The following PAPPA variants were observed in gnomAD, a reference collection of about 807,000 sequenced individuals.
PAPPA encodes pappalysin-1.
PAPPA carries 60 observed loss-of-function variants against 164.0 expected under a neutral mutation model. The observed-to-expected ratio is 0.37, with a 90% CI of 0.30 to 0.45. PAPPA has a LOEUF of 0.45. Among genes scored for constraint, PAPPA ranks in the 20% least tolerant of loss-of-function variants. The pLI, the probability that PAPPA is intolerant of heterozygous loss-of-function variation, is 1.00. For synonymous variants in PAPPA, 875 were observed against 814.1 expected, an observed-to-expected ratio of 1.07 and a Z score of -1.27; for missense variants, 1,782 against 2,087.3, an observed-to-expected ratio of 0.85 and a Z score of 2.85.
chr9:116,281,624 C>G (rs1845268372), intron 9 of PAPPA, among the ~76,000 whole-genome samples: 1 of 152,166 alleles, frequency 6.6e-6, no homozygotes, highest in Non-Finnish European at 1.5e-5. Context: ...TTATGGAGAA[C>G]CTGCTGCAGT....
chr9:116,250,713 G>A (rs1026774316), intron 7 of PAPPA, among the ~76,000 whole-genome samples: 6 of 152,328 alleles, frequency 3.9e-5, no homozygotes, highest in South Asian at 2.1e-4. Context: ...ATCTATGCCA[G>A]GACTGACACT....
intron 17 of PAPPA, 38 bp downstream of exon 17, chr9:116,353,831 C>T: frequency 6.5e-7 from 1 of 1,529,432 alleles, no homozygotes; most frequent in South Asian, 1.2e-5. Context: ...ACCATGGTCC[C>T]TTTCCTTTCT....
At chr9:116,295,535 C>T (rs1587991804) in intron 9 of PAPPA, among the ~76,000 whole-genome samples, 2 of 118,342 alleles carry the variant, frequency 1.7e-5, no homozygotes, top group Admixed American at 2.3e-4. Context: ...GCCTGGGCAA[C>T]AGAGCGAGAC....
At chr9:116,230,584 G>A (rs1177820740) in intron 6 of PAPPA, among the ~76,000 whole-genome samples, 1 of 152,136 alleles carries the variant, frequency 6.6e-6, no homozygotes, top group East Asian at 1.9e-4. Flanking sequence ...GCATGGAGCT[G>A]TAACTTCTTT....
At chr9:116,354,380 G>T (rs1006478146) in intron 17 of PAPPA, among the ~76,000 whole-genome samples, 13 of 152,102 alleles carry the variant, frequency 8.5e-5, no homozygotes, top group African/African-American at 3.1e-4. Flanking sequence ...TAGGAAAAAG[G>T]AACAAAAGGC....
chr9:116,322,523 G>T (rs1845871191), intron 10 of PAPPA, among the ~76,000 whole-genome samples: 1 of 152,084 alleles, frequency 6.6e-6, no homozygotes, highest in African/African-American at 2.4e-5. Context: ...TTATGGAGGA[G>T]GTTTTATTTC....
chr9:116,309,145 G>A (rs986013355), intron 10 of PAPPA, among the ~76,000 whole-genome samples: 1 of 151,188 alleles, frequency 6.6e-6, no homozygotes, highest in Non-Finnish European at 1.5e-5. Flanking sequence ...GCACAATCTC[G>A]GCTCACTGCA....
intron 21 of PAPPA, among the ~76,000 whole-genome samples, chr9:116,391,526 C>G (rs1055170638): frequency 1.3e-5 from 2 of 152,200 alleles, no homozygotes; most frequent in Non-Finnish European, 2.9e-5. Context: ...CTGCATGTCT[C>G]TCAGCTCTGG....
At chr9:116,276,035 A>G (rs1845193456) in intron 9 of PAPPA, among the ~76,000 whole-genome samples, 1 of 152,166 alleles carries the variant, frequency 6.6e-6, no homozygotes, top group South Asian at 2.1e-4. Context: ...TGTGGAAGTT[A>G]TCTTGTCTTT....
chr9:116,182,605 G>A (rs111789228), intron 1 of PAPPA, among the ~76,000 whole-genome samples: 2,317 of 152,282 alleles, frequency 0.015, 60 homozygotes, highest in African/African-American at 0.053. Context: ...ACTCTGTACA[G>A]CCTTAGCCAA....
chr9:116,259,629 A>T (rs1024547902), intron 7 of PAPPA, among the ~76,000 whole-genome samples: 20 of 152,216 alleles, frequency 1.3e-4, no homozygotes, highest in African/African-American at 4.3e-4. Flanking sequence ...GACCAAAAAA[A>T]ATTACATATT....
Position 116,211,817 on chromosome 9 carries a change from T to C in PAPPA, c.1803T>C (p.Asn601=), listed in dbSNP as rs1311167092. 19 of 1,613,982 alleles carry C rather than the reference T, an allele frequency of 1.2e-5. No homozygotes were observed. The highest frequency in any genetic ancestry group is 1.5e-5 in the Non-Finnish European group (18 of 1,179,992). The change falls in exon 4 of 22, where the codon AAT becomes AAC. Residue 601 remains asparagine, a synonymous_variant. Coordinates refer to ENST00000328252, the MANE Select transcript of PAPPA (RefSeq NM_002581.5). Reference sequence around the variant, plus strand: ...CCTTCGAGACTGGAGACCTCTGCAATGATACCAACCCAGCCCCTAAACACA... The same window carrying C: ...CCTTCGAGACTGGAGACCTCTGCAACGATACCAACCCAGCCCCTAAACACA... ...EPSFETGDLC[N]DTNPAPKHKS... is the part of the protein sequence containing the mutation.
At chr9:116,333,618 T>C (rs1433625792) in intron 12 of PAPPA, among the ~76,000 whole-genome samples, 1 of 152,180 alleles carries the variant, frequency 6.6e-6, no homozygotes, top group Non-Finnish European at 1.5e-5. Context: ...TTTATGCTTG[T>C]TTATTTAGTT....
intron 1 of PAPPA, among the ~76,000 whole-genome samples, chr9:116,170,766 C>T (rs976250304): frequency 2.0e-5 from 3 of 151,916 alleles, no homozygotes; most frequent in African/African-American, 7.3e-5. Flanking sequence ...TTCATCTGTC[C>T]ATCCATCCTT....
intron 1 of PAPPA, among the ~76,000 whole-genome samples, chr9:116,184,675 G>T (rs1030278464): frequency 1.4e-4 from 22 of 152,122 alleles, no homozygotes; most frequent in African/African-American, 5.3e-4. Context: ...ACTAGTAACT[G>T]CTGTCATCAA....
At position 116,248,383 on chromosome 9, in the gene PAPPA, G is replaced by A. The variant is rs1278063017; in HGVS notation, c.2732+12746G>A. Among the ~76,000 whole-genome samples, 10 of 152,158 alleles carry A rather than the reference G, an allele frequency of 6.6e-5. 1 individual carries two copies. The highest frequency in any genetic ancestry group is 1.2e-4 in the Non-Finnish European group (8 of 68,028). On this transcript the variant is annotated intron_variant, in intron 7 of 21. Transcript: ENST00000328252. ...CAAGACCCCTGTCTATAAAATAAAGGGGTAGGTCATAGCTCTGAAATTCTG... is the reference window on the plus strand; with the variant it reads ...CAAGACCCCTGTCTATAAAATAAAGAGGTAGGTCATAGCTCTGAAATTCTG...
chr9:116,362,481 C>A, intron 17 of PAPPA, 111 bp from the exon 18 acceptor site: 1 of 1,132,460 alleles, frequency 8.8e-7, no homozygotes, highest in South Asian at 1.8e-5. Context: ...TGTTTTGGAA[C>A]ACTTCAGAGC....
chr9:116,187,971 G>A lies in PAPPA; in HGVS notation c.1233G>A (p.Leu411=). 1 of 1,614,190 alleles carries A rather than the reference G, an allele frequency of 6.2e-7. No individual in the cohort carries two copies. Among genetic ancestry groups the A allele is most frequent in the Non-Finnish European group, 8.5e-7 (1 of 1,180,034 alleles). ...SNSSLRRRLI[L]ANCDISKIGD... ...CCTCCCTTCGCCGCCGCCTCATCCT[G>A]GCCAACTGTGACATCAGCAAGATTG... is the stretch of plus-strand genomic sequence containing the variant. The change falls in exon 2 of 22, where the codon CTG becomes CTA. Residue 411 remains leucine, a synonymous_variant. Coordinates refer to ENST00000328252, the MANE Select transcript of PAPPA (RefSeq NM_002581.5). The surrounding 1 kb of genome is among the most constrained non-coding windows in gnomAD (Gnocchi z 4.2).
rs914598093 is a variant in PAPPA, at chr9:116,154,812, C to A, written c.415+225C>A. 5.3e-5 allele frequency among the ~76,000 whole-genome samples: 8 copies of A among 152,176 alleles called. No homozygotes were observed. The highest frequency in any genetic ancestry group is 8.8e-5 in the Non-Finnish European group (6 of 68,024). ...GTAGCTGCTCCATCCCTGGGAGGAA[C>A]CTGGGGAGCCCTCCTGGCGGCCCCG... On this transcript the variant is annotated intron_variant, in intron 1 of 21. Coordinates refer to ENST00000328252, the MANE Select transcript of PAPPA (RefSeq NM_002581.5). This position sits in a 1 kb window ranked among gnomAD's most constrained non-coding sequence, Gnocchi z 5.2.
Sources: allele counts gnomAD v4.1 joint callset (sites outside exome capture counted in the v4.1 genomes callset), GRCh38; gene constraint gnomAD v4.1.1; non-coding constraint Gnocchi (gnomAD v3.1); transcripts MANE v1.5; gene names NCBI Gene and HGNC (gene_info 2026-07-23, HGNC 2026-07-21).